CATSPERT: variants seen among roughly 807,000 people sequenced by gnomAD.
CATSPERT encodes the protein catsper channel auxiliary subunit tau.
the CATSPERT span, among the ~76,000 whole-genome samples, chr2:201,595,227 C>T: frequency 6.8e-6 from 1 of 146,574 alleles, no homozygotes; most frequent in Non-Finnish European, 1.5e-5. Flanking sequence ...GTCTCACTGT[C>T]GCCCAGGCTG....
At chr2:201,532,972 C>G in the CATSPERT span, among the ~76,000 whole-genome samples, 15 of 152,116 alleles carry the variant, frequency 9.9e-5, no homozygotes, top group Admixed American at 9.8e-4. Context: ...CTCAGCTAGA[C>G]AAAAATTATT....
the CATSPERT span, among the ~76,000 whole-genome samples, chr2:201,591,342 A>G: frequency 6.6e-6 from 1 of 152,142 alleles, no homozygotes; most frequent in Non-Finnish European, 1.5e-5. Context: ...CCATTGATCT[A>G]TATCTCTCTT....
the CATSPERT span, chr2:201,534,267 A>G: frequency 5.3e-6 from 2 of 377,662 alleles, no homozygotes; most frequent in Admixed American, 6.4e-5. Flanking sequence ...CTAACATCCA[A>G]CATCAAGTGG....
At chr2:201,552,001 T>C in the CATSPERT span, among the ~76,000 whole-genome samples, 1 of 152,048 alleles carries the variant, frequency 6.6e-6, no homozygotes, top group African/African-American at 2.4e-5. Flanking sequence ...CTTTTTTTTT[T>C]CTTTTTTGGG....
At chr2:201,596,074 G>C in the CATSPERT span, among the ~76,000 whole-genome samples, 42 of 152,104 alleles carry the variant, frequency 2.8e-4, no homozygotes, top group African/African-American at 1.0e-3. Context: ...CCCATTACTG[G>C]GTATATACCC....
At chr2:201,504,744 C>T in the CATSPERT span, among the ~76,000 whole-genome samples, 5 of 152,298 alleles carry the variant, frequency 3.3e-5, no homozygotes, top group African/African-American at 1.2e-4. Flanking sequence ...AAAATTTGCA[C>T]CTTCCATCTG....
At chr2:201,617,167 C>G in the CATSPERT span, among the ~76,000 whole-genome samples, 1,199 of 152,304 alleles carry the variant, frequency 7.9e-3, 17 homozygotes, top group African/African-American at 0.028. Context: ...CCATCCCCAT[C>G]AAGCTACCAA....
the CATSPERT span, among the ~76,000 whole-genome samples, chr2:201,590,397 TG>T: frequency 1.3e-5 from 2 of 152,156 alleles, no homozygotes; most frequent in Non-Finnish European, 2.9e-5. Context: ...GTTCGACATT[TG>T]GGTTGGTTCC....
At chr2:201,518,738 G>A in the CATSPERT span, among the ~76,000 whole-genome samples, 1 of 152,188 alleles carries the variant, frequency 6.6e-6, no homozygotes, top group Non-Finnish European at 1.5e-5. Context: ...TAAGTCTCCA[G>A]CTCCATTAGC....
the CATSPERT span, among the ~76,000 whole-genome samples, chr2:201,589,111 C>A: frequency 6.6e-6 from 1 of 151,808 alleles, no homozygotes; most frequent in Non-Finnish European, 1.5e-5. Flanking sequence ...AGGGATGACA[C>A]AACAAATGGT....
chr2:201,578,330 T>C, the CATSPERT span, among the ~76,000 whole-genome samples: 1 of 152,090 alleles, frequency 6.6e-6, no homozygotes, highest in African/African-American at 2.4e-5. Context: ...ATTATAAAAG[T>C]CCTTTAGACC....
chr2:201,499,615 C>T, the CATSPERT span, among the ~76,000 whole-genome samples: 9 of 152,040 alleles, frequency 5.9e-5, no homozygotes, highest in South Asian at 1.5e-3. Flanking sequence ...AGGTGGCTCA[C>T]TTGAGTCCAG....
chr2:201,567,603 T>C, the CATSPERT span, among the ~76,000 whole-genome samples: 1 of 152,248 alleles, frequency 6.6e-6, no homozygotes, highest in East Asian at 1.9e-4. Context: ...GATGTTTCAG[T>C]TTGAGTCCAA....
At chr2:201,492,841 G>C in the CATSPERT span, 1 of 1,536,532 alleles carries the variant, frequency 6.5e-7, no homozygotes, top group Non-Finnish European at 8.7e-7. Context: ...GATATGTCCT[G>C]ATTCTGAAAG....
the CATSPERT span, chr2:201,618,976 G>C: frequency 2.5e-6 from 4 of 1,613,918 alleles, no homozygotes; most frequent in South Asian, 4.4e-5. Context: ...CAGGGCGTAA[G>C]GGACCGAAGA....
chr2:201,578,636 T>G, the CATSPERT span, among the ~76,000 whole-genome samples: 1 of 152,172 alleles, frequency 6.6e-6, no homozygotes, highest in South Asian at 2.1e-4. Flanking sequence ...AATGAAATGT[T>G]ATATTAGAAT....
the CATSPERT span, among the ~76,000 whole-genome samples, chr2:201,586,441 T>C: frequency 1.3e-5 from 2 of 152,074 alleles, no homozygotes; most frequent in Non-Finnish European, 2.9e-5. Flanking sequence ...TCAAATATAT[T>C]ATAATTATAT....
the CATSPERT span, among the ~76,000 whole-genome samples, chr2:201,609,125 C>T: frequency 6.6e-6 from 1 of 152,064 alleles, no homozygotes; most frequent in Non-Finnish European, 1.5e-5. Context: ...ATAAATGTGT[C>T]AAATCAGCAA....
chr2:201,616,257 CAG>C, the CATSPERT span, among the ~76,000 whole-genome samples: 1 of 152,194 alleles, frequency 6.6e-6, no homozygotes, highest in Non-Finnish European at 1.5e-5. Context: ...ACAACAAAAA[CAG>C]AGAATTTTAG....
Sources: gnomAD v4.1 joint callset for allele counts (sites outside exome capture counted in the v4.1 genomes callset) on GRCh38, gnomAD v4.1.1 for gene constraint, MANE v1.5 for transcripts, NCBI Gene and HGNC (gene_info 2026-07-23, HGNC 2026-07-21) for gene names.